The following TM9SF2 variants were observed in gnomAD, a reference collection of about 807,000 sequenced individuals.
TM9SF2 encodes 76 kDa membrane protein.
A neutral mutation model predicts 84.9 loss-of-function variants in TM9SF2; 13 were observed. The ratio of observed to expected loss-of-function variants is 0.15; its 90% CI spans 0.10 to 0.24. The LOEUF (loss-of-function observed/expected upper bound fraction) is 0.24. TM9SF2 is among the 10% of genes least tolerant of loss of function. The pLI is 1.00. For missense variants in TM9SF2, 562 were observed against 818.5 expected (o/e 0.69, Z 3.82); for synonymous variants, 273 against 285.8 (o/e 0.96, Z 0.45).
chr13:99,506,785 TAC>T (rs1372263110), intron 1 of TM9SF2, among the ~76,000 whole-genome samples: 3 of 152,186 alleles, frequency 2.0e-5, no homozygotes, highest in Admixed American at 6.5e-5. Context: ...ACATCGGCAC[TAC>T]AGAGATTGGT....
At chr13:99,547,388 A>G (rs542212908) in intron 11 of TM9SF2, among the ~76,000 whole-genome samples, 1 of 152,318 alleles carries the variant, frequency 6.6e-6, no homozygotes, top group Admixed American at 6.5e-5. Context: ...TGGGCTGAAC[A>G]GCTTAGATTT....
At chr13:99,510,325 A>G (rs77723766) in intron 1 of TM9SF2, among the ~76,000 whole-genome samples, 4,641 of 152,300 alleles carry the variant, frequency 0.03, 78 homozygotes, top group Non-Finnish European at 0.048. Flanking sequence ...TTCCAAAACC[A>G]GTTCCACATT....
chr13:99,506,438 A>G (rs565386447), intron 1 of TM9SF2, among the ~76,000 whole-genome samples: 1 of 152,302 alleles, frequency 6.6e-6, no homozygotes, highest in East Asian at 1.9e-4. Flanking sequence ...TCAAATCTGA[A>G]ATCTGGCACT....
intron 4 of TM9SF2, among the ~76,000 whole-genome samples, chr13:99,531,103 C>T (rs1484145324): frequency 6.6e-6 from 1 of 152,010 alleles, no homozygotes; most frequent in African/African-American, 2.4e-5. Context: ...TTAAGAGATC[C>T]GCCCCTCTCA....
chr13:99,508,643 G>T (rs1009284761), intron 1 of TM9SF2, among the ~76,000 whole-genome samples: 3 of 152,126 alleles, frequency 2.0e-5, no homozygotes, highest in African/African-American at 7.2e-5. Context: ...GACTTCTAGT[G>T]GGAACCTCAG....
At chr13:99,530,415 C>T (rs1385003946) in intron 4 of TM9SF2, among the ~76,000 whole-genome samples, 1 of 152,146 alleles carries the variant, frequency 6.6e-6, no homozygotes, top group East Asian at 1.9e-4. Context: ...CAGAGCAAGA[C>T]TCTGTCTCAA....
At chr13:99,503,071 G>A (rs2046073675) in intron 1 of TM9SF2, among the ~76,000 whole-genome samples, 1 of 152,232 alleles carries the variant, frequency 6.6e-6, no homozygotes, top group African/African-American at 2.4e-5. Context: ...TGCAGTGCAA[G>A]AAGCTTTCAC....
In TM9SF2 at chr13:99,552,284, G is replaced by T; in HGVS notation, c.1446G>T (p.Val482=). The T allele has an allele frequency of 1.2e-6, 2 of 1,614,026 alleles. No homozygotes were observed. Among genetic ancestry groups the T allele is most frequent in the East Asian group, 2.2e-5 (1 of 44,876 alleles). ...TGGCCCTTTGGTTCTGCATATCTGTGCCTCTGACGTTTATTGGTGCATACT... is the reference window on the plus strand; with the variant it reads ...TGGCCCTTTGGTTCTGCATATCTGTTCCTCTGACGTTTATTGGTGCATACT... ...AILALWFCIS[V]PLTFIGAYFG... is the part of the protein sequence containing the mutation. Residue 482 remains valine, a synonymous_variant, in exon 13 of 17, where the codon GTG becomes GTT. Coordinates refer to ENST00000376387, the MANE Select transcript of TM9SF2 (RefSeq NM_004800.3).
chr13:99,517,712 AT>A, intron 2 of TM9SF2, 31 bp downstream of exon 2: 1 of 1,483,478 alleles, frequency 6.7e-7, no homozygotes, highest in Non-Finnish European at 9.1e-7. Context: ...TTTATATAAA[AT>A]TTTATGTGAC....
At chr13:99,520,207 C>A in intron 3 of TM9SF2, 78 bp downstream of exon 3, 1 of 1,240,554 alleles carries the variant, frequency 8.1e-7, no homozygotes, top group Non-Finnish European at 1.1e-6. Flanking sequence ...TGAGATAACT[C>A]AGCTATCATT....
chr13:99,559,604 C>T, intron 16 of TM9SF2, 70 bp downstream of exon 16: 1 of 1,405,288 alleles, frequency 7.1e-7, no homozygotes, highest in South Asian at 1.4e-5. Flanking sequence ...AAATGTTTGT[C>T]TTTTTTAAAA....
rs1412424455 is a variant in TM9SF2, at chr13:99,554,838, CTAAT to C, written c.1640+384_1640+387del. The stretch of plus-strand genomic sequence containing the variant: ...AGTTTCTCCAAACCTATGTTCCTAA[CTAAT>C]CTGCACTGTTCAGAGAAGATCCTCT... On this transcript the variant is annotated intron_variant, in intron 14 of 16. Coordinates refer to ENST00000376387, the MANE Select transcript of TM9SF2 (RefSeq NM_004800.3). 5.9e-5 allele frequency among the ~76,000 whole-genome samples: 9 copies of C among 152,338 alleles called. No homozygotes were observed. In the East Asian group the frequency reaches 1.7e-3, roughly 29 times the overall value.
At chr13:99,514,861 A>G (rs908694254) in intron 1 of TM9SF2, among the ~76,000 whole-genome samples, 28 of 152,200 alleles carry the variant, frequency 1.8e-4, no homozygotes, top group Admixed American at 1.6e-3. Flanking sequence ...GTAATAGTAA[A>G]TACGGTACTT....
Position 99,522,316 on chromosome 13 carries a change from C to T in TM9SF2, c.333+2187C>T, listed in dbSNP as rs866342119. 7.2e-5 allele frequency among the ~76,000 whole-genome samples: 11 copies of T among 152,292 alleles called. No homozygotes were observed. In the South Asian group the frequency reaches 1.0e-3, roughly 14 times the overall value. ...GATTACAGGCATGAGCCACCATGCCCGGCCCCTTTCAAATATTCTAATCTG... is the reference window on the plus strand; with the variant it reads ...GATTACAGGCATGAGCCACCATGCCTGGCCCCTTTCAAATATTCTAATCTG... On this transcript the variant is annotated intron_variant, in intron 3 of 16. Transcript: ENST00000376387.
intron 5 of TM9SF2, 147 bp from the exon 6 acceptor site, chr13:99,537,592 T>C: frequency 6.5e-6 from 4 of 615,318 alleles, no homozygotes; most frequent in Non-Finnish European, 1.0e-5. Context: ...AGAGTTTAAG[T>C]ATAAAATTGA....
chr13:99,532,292 C>T (rs1346332675), intron 4 of TM9SF2, among the ~76,000 whole-genome samples: 10 of 151,910 alleles, frequency 6.6e-5, no homozygotes, highest in South Asian at 4.2e-4. Flanking sequence ...CCTCGTGATC[C>T]GCCCGCCTCT....
chr13:99,508,443 A>ACCCC (rs61347104), intron 1 of TM9SF2, among the ~76,000 whole-genome samples: 1 of 147,448 alleles, frequency 6.8e-6, no homozygotes, highest in East Asian at 2.0e-4. Context: ...ACACACACAC[A>ACCCC]CCCCAGAGAT....
At chr13:99,526,134 C>T (rs916663057) in intron 3 of TM9SF2, among the ~76,000 whole-genome samples, 2 of 152,144 alleles carry the variant, frequency 1.3e-5, no homozygotes, top group African/African-American at 2.4e-5. Context: ...ATGGCCACCC[C>T]ACCTGTGAGT....
chr13:99,519,898 T>C (rs2046151825), intron 2 of TM9SF2, 138 bp from the exon 3 acceptor site: 5 of 610,260 alleles, frequency 8.2e-6, no homozygotes, highest in South Asian at 7.2e-5. Context: ...ACATAGGACT[T>C]GGAGTATGGA....
Sources: allele counts gnomAD v4.1 joint callset (sites outside exome capture counted in the v4.1 genomes callset), GRCh38; gene constraint gnomAD v4.1.1; transcripts MANE v1.5; gene names NCBI Gene and HGNC (gene_info 2026-07-23, HGNC 2026-07-21).